The following BACH2 variants were observed in gnomAD, a reference collection of about 807,000 sequenced individuals.
BACH2 encodes the protein transcription regulator protein BACH2.
Under a neutral mutation model 61.8 loss-of-function variants are expected in BACH2, and 5 were observed. The observed-to-expected ratio is 0.08, with a 90% confidence interval of 0.04 to 0.17. BACH2 has a LOEUF of 0.17. Ranked by LOEUF, BACH2 falls within the 10% of genes least tolerant of loss-of-function variation. BACH2 has a pLI of 1.00. For synonymous variants in BACH2, 446 were observed against 440.1 expected, an observed-to-expected ratio of 1.01 and a Z score of -0.17; for missense variants, 824 against 1,091.1, an observed-to-expected ratio of 0.76 and a Z score of 3.45.
At chr6:90,207,188 G>A (rs1027324414) in intron 3 of BACH2, among the ~76,000 whole-genome samples, 2 of 151,298 alleles carry the variant, frequency 1.3e-5, no homozygotes, top group Non-Finnish European at 1.5e-5. Context: ...GCATGACCAC[G>A]GCTCACTGCA....
At chr6:90,038,027 C>A (rs1239109118) in intron 5 of BACH2, among the ~76,000 whole-genome samples, 1 of 152,166 alleles carries the variant, frequency 6.6e-6, no homozygotes, top group African/African-American at 2.4e-5. Flanking sequence ...CATGACCCTG[C>A]CAACATCCTG....
chr6:89,991,644 T>C (rs1449454689), intron 6 of BACH2, among the ~76,000 whole-genome samples: 1 of 152,170 alleles, frequency 6.6e-6, no homozygotes, highest in Admixed American at 6.5e-5. Context: ...GTAATGTTGA[T>C]ACAATATTAT....
intron 4 of BACH2, among the ~76,000 whole-genome samples, chr6:90,097,732 AC>A (rs553253779): frequency 9.2e-5 from 14 of 152,364 alleles, no homozygotes; most frequent in Admixed American, 9.1e-4. Flanking sequence ...GGCACCAAGT[AC>A]ATTTGTTTCG....
chr6:90,046,604 C>T (rs968891171), intron 5 of BACH2, among the ~76,000 whole-genome samples: 3 of 152,136 alleles, frequency 2.0e-5, no homozygotes, highest in African/African-American at 7.2e-5. Flanking sequence ...AGGAGCTAGC[C>T]AGAAGCAGCA....
intron 1 of BACH2, 107 bp from the exon 2 acceptor site, chr6:90,272,048 C>G (rs1030300176): frequency 6.6e-6 from 1 of 152,302 alleles, no homozygotes; most frequent in African/African-American, 2.4e-5. Context: ...ATTGAACTAC[C>G]TGCAAATTTA....
intron 4 of BACH2, among the ~76,000 whole-genome samples, chr6:90,110,902 AT>A (rs1299623064): frequency 6.6e-6 from 1 of 152,228 alleles, no homozygotes; most frequent in Non-Finnish European, 1.5e-5. Flanking sequence ...CACACAGAAT[AT>A]TAAAAAGACA....
intron 4 of BACH2, among the ~76,000 whole-genome samples, chr6:90,090,846 G>A: frequency 6.6e-6 from 1 of 152,214 alleles, no homozygotes; most frequent in South Asian, 2.1e-4. Context: ...TCCTTCTGGG[G>A]TTTTCCTATT....
intron 3 of BACH2, among the ~76,000 whole-genome samples, chr6:90,224,970 A>T (rs1769862050): frequency 6.6e-6 from 1 of 152,192 alleles, no homozygotes; most frequent in Non-Finnish European, 1.5e-5. Context: ...TTTGAAATAC[A>T]TTATTCATAT....
At chr6:90,071,352 C>T (rs374420237) in intron 5 of BACH2, among the ~76,000 whole-genome samples, 1 of 152,144 alleles carries the variant, frequency 6.6e-6, no homozygotes, top group Non-Finnish European at 1.5e-5. Flanking sequence ...ATAAGTTCTG[C>T]GAAGGAGGCA....
intron 5 of BACH2, among the ~76,000 whole-genome samples, chr6:90,013,755 G>A (rs544145337): frequency 5.9e-5 from 9 of 151,804 alleles, no homozygotes; most frequent in Non-Finnish European, 8.8e-5. Context: ...TGATCCCCCC[G>A]CCTTGGCCTC....
chr6:90,140,225 G>C (rs1784418150), intron 4 of BACH2, among the ~76,000 whole-genome samples: 1 of 152,302 alleles, frequency 6.6e-6, no homozygotes, highest in South Asian at 2.1e-4. Context: ...TAGTCGCATG[G>C]CCAGTGAGGC....
intron 1 of BACH2, among the ~76,000 whole-genome samples, chr6:90,295,599 C>T (rs1047446444): frequency 6.6e-6 from 1 of 151,998 alleles, no homozygotes; most frequent in Non-Finnish European, 1.5e-5. Context: ...GCAGTGTCCC[C>T]TTCATAAACC....
At chr6:90,165,464 T>C (rs1767577472) in intron 4 of BACH2, among the ~76,000 whole-genome samples, 1 of 152,044 alleles carries the variant, frequency 6.6e-6, no homozygotes, top group Admixed American at 6.6e-5. Context: ...ATCAATATTG[T>C]GAAAATGGCC....
intron 1 of BACH2, among the ~76,000 whole-genome samples, chr6:90,292,570 T>C (rs1037283005): frequency 6.6e-6 from 1 of 152,260 alleles, no homozygotes; most frequent in Non-Finnish European, 1.5e-5. Flanking sequence ...GATCAATCCC[T>C]GAGTGGGACT....
At chr6:90,179,361 C>G (rs1189878048) in intron 4 of BACH2, among the ~76,000 whole-genome samples, 1 of 152,166 alleles carries the variant, frequency 6.6e-6, no homozygotes, top group African/African-American at 2.4e-5. Context: ...CTAAAAGGGG[C>G]TGGGGTGCTA....
chr6:89,990,205 C>T (rs1466324552), intron 6 of BACH2, among the ~76,000 whole-genome samples: 4 of 152,108 alleles, frequency 2.6e-5, no homozygotes, highest in South Asian at 2.1e-4. Context: ...GGAGCTATAC[C>T]CTTAGAGACA....
chr6:90,036,954 C>CT (rs1424628043), intron 5 of BACH2, among the ~76,000 whole-genome samples: 2 of 152,204 alleles, frequency 1.3e-5, no homozygotes, highest in African/African-American at 4.8e-5. Context: ...AATTTTGAAA[C>CT]TTTAAGTAGC....
intron 6 of BACH2, among the ~76,000 whole-genome samples, chr6:89,983,127 T>C (rs1198488263): frequency 2.6e-5 from 4 of 152,224 alleles, no homozygotes; most frequent in African/African-American, 9.6e-5. Flanking sequence ...TAAATGTTTA[T>C]AGGAAATCCC....
chr6:89,986,394 G>C (rs1182014277), intron 6 of BACH2, among the ~76,000 whole-genome samples: 1 of 152,128 alleles, frequency 6.6e-6, no homozygotes, highest in Admixed American at 6.5e-5. Context: ...TTGCAGCACT[G>C]TGGGCTTCAG....
Sources: gnomAD v4.1 joint callset for allele counts (sites outside exome capture counted in the v4.1 genomes callset) on GRCh38, gnomAD v4.1.1 for gene constraint, MANE v1.5 for transcripts, NCBI Gene and HGNC (gene_info 2026-07-23, HGNC 2026-07-21) for gene names.